TBC1D10B: variants seen among roughly 807,000 people sequenced by gnomAD.
TBC1D10B encodes the protein TBC1 domain family member 10B, also known as Rab27A-GAPbeta.
A neutral mutation model predicts 78.4 loss-of-function variants in TBC1D10B; 25 were observed. The ratio of observed to expected loss-of-function variants is 0.32; its 90% confidence interval spans 0.23 to 0.45. The LOEUF (loss-of-function observed/expected upper bound fraction) is 0.45, where lower values mean the gene tolerates loss of function less well. Ranked by LOEUF, TBC1D10B falls within the 20% of genes least tolerant of loss-of-function variation. The pLI is 1.00. For synonymous variants in TBC1D10B, 517 were observed against 478.0 expected (o/e 1.08, Z -1.06); for missense variants, 996 against 1,104.8 (o/e 0.90, Z 1.40).
Position 30,357,955 on chromosome 16 carries a change from C to G in TBC1D10B, c.2416G>C (p.Ala806Pro). 1 of 1,550,604 alleles carries G rather than the reference C, an allele frequency of 6.4e-7. No homozygotes were observed. The highest frequency in any genetic ancestry group is 8.7e-7 in the Non-Finnish European group (1 of 1,146,612). Residue 806 changes from alanine (A) to proline (P), a missense_variant, in exon 9 of 9, where the codon GCT (alanine) becomes CCT (proline). By Grantham distance (27) the Ala-to-Pro change is conservative. Transcript: ENST00000409939. ...CCCCAGGGCAGAGGTCAGAAGTAAG[C>G]GTCCTGCCGGGCCTCGGCTGAGGGC... The part of the protein sequence containing the change: ...DRPSAEARQD[A>P]YF
At chr16:30,364,212 G>A (rs1359277014) in intron 4 of TBC1D10B, among the ~76,000 whole-genome samples, 5 of 151,944 alleles carry the variant, frequency 3.3e-5, no homozygotes, top group South Asian at 2.1e-4. Context: ...AGGTCAAGGC[G>A]GGCAGATCAC....
Position 30,365,513 on chromosome 16 carries a change from C to T in TBC1D10B, c.1038G>A (p.Leu346=). Residue 346 remains leucine (L), a synonymous_variant, in exon 2 of 9, where the codon CTG becomes CTA. Coordinates refer to ENST00000409939, the MANE Select transcript of TBC1D10B (RefSeq NM_015527.4). This position sits in a 1 kb window ranked among gnomAD's most constrained non-coding sequence, Gnocchi z 5.0. ...CTCAAACCTTCTGGAATCGCCGTGA[C>T]AGCCACTTATCCCAGTTACTGAACA... ...LDMFSNWDKW[L]SRRFQKVKLR... The T allele has an allele frequency of 6.2e-7, 1 of 1,614,068 alleles. No individual in the cohort carries two copies. The highest frequency in any genetic ancestry group is 1.1e-5 in the South Asian group (1 of 91,090).
chr16:30,359,417 G>C, intron 6 of TBC1D10B, 56 bp from the exon 7 acceptor site: 1 of 1,547,582 alleles, frequency 6.5e-7, no homozygotes, highest in Non-Finnish European at 8.7e-7. Context: ...CCCCATCAGG[G>C]GAGAACTGGC....
rs2049561041 is a variant in TBC1D10B, at chr16:30,357,514, G to A, written c.*430C>T. On this transcript the variant is annotated 3_prime_UTR_variant, in exon 9 of 9. Transcript: ENST00000409939. ...ATTACAACACAGGTCCAGAATGAGAGCCCTGGCCAGGAAGTGGGGGAGACA... is the reference window on the plus strand; with the variant it reads ...ATTACAACACAGGTCCAGAATGAGAACCCTGGCCAGGAAGTGGGGGAGACA... The A allele has an allele frequency of 4.6e-6, 1 of 219,170 alleles. No homozygotes were observed. Among genetic ancestry groups the A allele is most frequent in the Non-Finnish European group, 9.2e-6 (1 of 109,074 alleles). The allele number at this position is 219,170 out of a possible 1,614,324, so 13.6% of individuals were successfully genotyped here.
chr16:30,369,855 T>G lies in TBC1D10B; in HGVS notation c.329A>C (p.Glu110Ala), dbSNP rs1472264336. Residue 110 changes from glutamate to alanine, a missense_variant, in exon 1 of 9, where the codon GAA becomes GCA. Physicochemically the swap from Glu to Ala is moderately radical, Grantham distance 107 (BLOSUM62 -1). Transcript: ENST00000409939. This position sits in a 1 kb window ranked among gnomAD's most constrained non-coding sequence, Gnocchi z 4.3. Reference sequence around the variant, plus strand: ...AGCCACTGCCGCGGGCTCTGGGGATTCCGGGCCGGAGGGGAGCTGCGGCTT... The same window carrying G: ...AGCCACTGCCGCGGGCTCTGGGGATGCCGGGCCGGAGGGGAGCTGCGGCTT... The part of the protein sequence containing the change: ...APKPQLPSGP[E>A]SPEPAAVAGV... 23 of 1,402,494 alleles carry G rather than the reference T, an allele frequency of 1.6e-5. 1 individual carries two copies. In the South Asian group the frequency reaches 3.5e-4, roughly 21 times the overall value. The allele number at this position is 1,402,494 out of a possible 1,614,324, so 86.9% of individuals were successfully genotyped here.
chr16:30,359,958 C>T lies in TBC1D10B; in HGVS notation c.1272-117G>A. ...AGGCTCCTCCATCCACCTGCCCAGT[C>T]CTGCTGAGCGAGCTTCAGCTAAAGG... On this transcript the variant is annotated intron_variant, in intron 4 of 8. Coordinates refer to ENST00000409939, the MANE Select transcript of TBC1D10B (RefSeq NM_015527.4). The T allele has an allele frequency of 8.5e-6, 8 of 936,428 alleles. 1 individual carries two copies. Among genetic ancestry groups the T allele is most frequent in the Non-Finnish European group, 9.6e-6 (6 of 625,420 alleles). The allele number at this position is 936,428 out of a possible 1,614,324, so 58.0% of individuals were successfully genotyped here.
Position 30,359,651 on chromosome 16 carries a change from G to A in TBC1D10B, c.1387-48C>T, listed in dbSNP as rs763221780. 6 of 1,554,400 alleles carry A rather than the reference G, an allele frequency of 3.9e-6. No individual in the cohort carries two copies. In the South Asian group the frequency reaches 5.9e-5, roughly 15 times the overall value. On this transcript the variant is annotated intron_variant, in intron 5 of 8. Coordinates refer to ENST00000409939, the MANE Select transcript of TBC1D10B (RefSeq NM_015527.4). The stretch of plus-strand genomic sequence containing the variant: ...GGAGGGGTGGGGCCTGAGAAGCAGG[G>A]AGCAGGGAGCTCCCCCATCACCACT...
intron 4 of TBC1D10B, among the ~76,000 whole-genome samples, chr16:30,363,323 A>G (rs1361049966): frequency 6.6e-6 from 1 of 152,130 alleles, no homozygotes; most frequent in Non-Finnish European, 1.5e-5. Flanking sequence ...GAAGTCTCCT[A>G]ACTGGTCCGT....
In TBC1D10B at chr16:30,359,315, C is replaced by G; in HGVS notation, c.1499G>C (p.Arg500Pro). The change falls in exon 7 of 9, where the codon CGG becomes CCG. Residue 500 changes from arginine (R) to proline (P), a missense_variant. Around this residue, in one of 5 missense-constraint regions of TBC1D10B, gnomAD observed 168 missense variants for 238.7 expected, o/e 0.70. Transcript: ENST00000409939. ...DGEIFFALLR[R>P]ASPLAHRHLR... ...GTGGCGATGCGCCAGCGGGGAGGCC[C>G]GGCGCAGGAGTGCAAAAAAGATCTC... 1 of 1,594,210 alleles carries G rather than the reference C, an allele frequency of 6.3e-7. No individual in the cohort carries two copies. The highest frequency in any genetic ancestry group is 8.5e-7 in the Non-Finnish European group (1 of 1,170,778).
chr16:30,357,929 G>T lies in TBC1D10B; in HGVS notation c.*15C>A. 6.5e-7 allele frequency: 1 copy of T among 1,546,222 alleles called. No homozygotes were observed. The stretch of plus-strand genomic sequence containing the variant: ...GGAAAGAGGGGGGCCATGCAGTCCA[G>T]CCCCAGGGCAGAGGTCAGAAGTAAG... On this transcript the variant is annotated 3_prime_UTR_variant, in exon 9 of 9. Transcript: ENST00000409939.
At position 30,364,545 on chromosome 16, in the gene TBC1D10B, T is replaced by G. The variant is rs537679744; in HGVS notation, c.1271+355A>C. Among the ~76,000 whole-genome samples, 23 of 152,322 alleles carry G rather than the reference T, an allele frequency of 1.5e-4. 1 individual carries two copies. The highest frequency in any genetic ancestry group is 2.4e-4 in the Non-Finnish European group (16 of 68,028). On this transcript the variant is annotated intron_variant, in intron 4 of 8. Coordinates refer to ENST00000409939, the MANE Select transcript of TBC1D10B (RefSeq NM_015527.4). Reference sequence around the variant, plus strand: ...TGACATCTGGAGGAAGCTTGGTCTATAGAACAAAATTCCAAATGCTTTGGC... The same window carrying G: ...TGACATCTGGAGGAAGCTTGGTCTAGAGAACAAAATTCCAAATGCTTTGGC...
rs989075622 is a variant in TBC1D10B, at chr16:30,369,033, C to T, written c.956+195G>A. Among the ~76,000 whole-genome samples, 1 of 152,260 alleles carries T rather than the reference C, an allele frequency of 6.6e-6. No individual in the cohort carries two copies. Among genetic ancestry groups the T allele is most frequent in the Non-Finnish European group, 1.5e-5 (1 of 68,044 alleles). On this transcript the variant is annotated intron_variant, in intron 1 of 8. Transcript: ENST00000409939. This position sits in a 1 kb window ranked among gnomAD's most constrained non-coding sequence, Gnocchi z 4.3. ...AAACCCAGACCTCTTGACCCCTGGTCTGAAACTCCACTAACATGCCAATGT... is the reference window on the plus strand; with the variant it reads ...AAACCCAGACCTCTTGACCCCTGGTTTGAAACTCCACTAACATGCCAATGT...
chr16:30,359,408 C>T (rs1161784943), intron 6 of TBC1D10B, 47 bp from the exon 7 acceptor site: 3 of 1,548,990 alleles, frequency 1.9e-6, no homozygotes, highest in Non-Finnish European at 2.6e-6. Context: ...CAGCTGTGCC[C>T]CCATCAGGGG....
Position 30,369,374 on chromosome 16 carries a change from C to T in TBC1D10B, c.810G>A (p.Leu270=), listed in dbSNP as rs1349255089. Residue 270 remains leucine, a synonymous_variant, in exon 1 of 9, where the codon TTG becomes TTA. Transcript: ENST00000409939. The surrounding 1 kb of genome is among the most constrained non-coding windows in gnomAD (Gnocchi z 4.3). ...TCCCAGACATGAGGCTCACGGAGTC[C>T]AAGTAACTCAGCGTGTCCGGGGCCT... ...RGQAPDTLSY[L]DSVSLMSGTL... 1 of 1,594,832 alleles carries T rather than the reference C, an allele frequency of 6.3e-7. No individual in the cohort carries two copies. Among genetic ancestry groups the T allele is most frequent in the Non-Finnish European group, 8.5e-7 (1 of 1,170,880 alleles).
At chr16:30,363,349 C>T (rs951604659) in intron 4 of TBC1D10B, among the ~76,000 whole-genome samples, 5 of 152,316 alleles carry the variant, frequency 3.3e-5, no homozygotes, top group Middle Eastern at 6.8e-3. Flanking sequence ...TCCTTGTCTC[C>T]CTATAGTCTG....
chr16:30,360,162 C>G (rs1030543452), intron 4 of TBC1D10B: 1 of 293,186 alleles, frequency 3.4e-6, no homozygotes, highest in Non-Finnish European at 6.5e-6. Flanking sequence ...CAGCCCTCCT[C>G]TAGCACTAAA....
chr16:30,361,577 G>C (rs536019537), intron 4 of TBC1D10B, among the ~76,000 whole-genome samples: 5 of 151,612 alleles, frequency 3.3e-5, no homozygotes, highest in Non-Finnish European at 7.4e-5. Flanking sequence ...GGCTAATTTT[G>C]TATTTTTAGT....
chr16:30,368,794 A>C (rs1313360557), intron 1 of TBC1D10B, among the ~76,000 whole-genome samples: 1 of 152,132 alleles, frequency 6.6e-6, no homozygotes, highest in East Asian at 1.9e-4. Context: ...CACCCCTCCC[A>C]GGCTATCCAC....
chr16:30,368,752 G>A (rs914667789), intron 1 of TBC1D10B, among the ~76,000 whole-genome samples: 3 of 152,078 alleles, frequency 2.0e-5, no homozygotes, highest in African/African-American at 7.2e-5. Flanking sequence ...CCATCCCTGG[G>A]ACCTAGGGCT....
Sources: gnomAD v4.1 joint callset for allele counts (sites outside exome capture counted in the v4.1 genomes callset) on GRCh38, gnomAD v4.1.1 for gene constraint, gnomAD v4.1.1 regional missense constraint, Gnocchi (gnomAD v3.1) non-coding constraint, MANE v1.5 for transcripts, NCBI Gene and HGNC (gene_info 2026-07-23, HGNC 2026-07-21) for gene names.